KDM6A: variants seen among roughly 807,000 people sequenced by gnomAD.
The protein encoded by KDM6A is lysine demethylase 6A, also known as lysine-specific demethylase 6A.
Under a neutral mutation model 117.6 loss-of-function variants are expected in KDM6A, and 11 were observed. The observed-to-expected ratio is 0.09, with a 90% CI of 0.06 to 0.15. KDM6A has a LOEUF of 0.15. Among genes scored for constraint, KDM6A ranks in the 10% least tolerant of loss-of-function variants. KDM6A has a pLI of 1.00. For synonymous variants in KDM6A, 384 were observed against 396.1 expected (o/e 0.97, Z 0.36); for missense variants, 799 against 1,077.3 (o/e 0.74, Z 3.62).
chrX:44,966,604 A>G lies in KDM6A; in HGVS notation c.334+5212A>G, dbSNP rs553549776. Reference sequence around the variant, plus strand: ...GAGAGAAGAGAAGGATAATCTAAGGATTTAAGTCCTTGAAAACATGTGCTT... The same window carrying G: ...GAGAGAAGAGAAGGATAATCTAAGGGTTTAAGTCCTTGAAAACATGTGCTT... On this transcript the variant is annotated intron_variant, in intron 3 of 29. Transcript: ENST00000611820. Among the ~76,000 whole-genome samples the G allele has an allele frequency of 6.3e-5, 7 of 111,115 alleles. No homozygotes were observed. The Middle Eastern group carries it at 0.019, about 295-fold the overall frequency.
At chrX:44,963,728 T>C (rs752088008) in intron 3 of KDM6A, among the ~76,000 whole-genome samples, 1 of 110,111 alleles carries the variant, frequency 9.1e-6, no homozygotes, top group Non-Finnish European at 1.9e-5. Flanking sequence ...CTCCTGCTAA[T>C]GTCGGTATTT....
intron 21 of KDM6A, 150 bp downstream of exon 21, chrX:45,079,501 A>ATATGTATATATG (rs2045294126): frequency 2.3e-6 from 1 of 428,835 alleles, no homozygotes; most frequent in Non-Finnish European, 4.1e-6. Context: ...TCGTATGTAT[A>ATATGTATATATG]TATGTATGTA....
At chrX:45,040,705 G>A (rs1316045944) in intron 8 of KDM6A, among the ~76,000 whole-genome samples, 5 of 71,420 alleles carry the variant, frequency 7.0e-5, no homozygotes, top group African/African-American at 2.9e-4. Flanking sequence ...CGGACGGGGC[G>A]GCTGGACGGG....
At chrX:45,077,593 T>C (rs1234026199) in intron 19 of KDM6A, among the ~76,000 whole-genome samples, 1 of 110,838 alleles carries the variant, frequency 9.0e-6, no homozygotes, top group Non-Finnish European at 1.9e-5. Context: ...AGTTGTTGTT[T>C]ATCCCTTACT....
At chrX:44,966,148 A>G (rs2039000487) in intron 3 of KDM6A, among the ~76,000 whole-genome samples, 1 of 106,895 alleles carries the variant, frequency 9.4e-6, no homozygotes, top group Non-Finnish European at 1.9e-5. Flanking sequence ...TTTTTTTTTA[A>G]TTTTATTTTT....
chrX:44,873,236 C>A lies in KDM6A; in HGVS notation c.-316C>A. On this transcript the variant is annotated 5_prime_UTR_variant, in exon 1 of 30. Transcript: ENST00000611820. Reference sequence around the variant, plus strand: ...GGGAAGTTTGTGTCTCCAACGAATCCCCTCAGTGCTCCCCAGCCCCGCGCG... The same window carrying A: ...GGGAAGTTTGTGTCTCCAACGAATCACCTCAGTGCTCCCCAGCCCCGCGCG... 3.4e-6 allele frequency: 1 copy of A among 295,570 alleles called. No homozygotes were observed. 24.4% of individuals were successfully genotyped at this position (295,570 alleles called of 1,213,427 possible).
At chrX:44,969,861 A>G (rs1397568717) in intron 3 of KDM6A, among the ~76,000 whole-genome samples, 1 of 112,518 alleles carries the variant, frequency 8.9e-6, no homozygotes, top group African/African-American at 3.2e-5. Flanking sequence ...TTCTGTAATC[A>G]TTCTAAAACA....
chrX:45,025,541 G>A (rs775050839), intron 6 of KDM6A, among the ~76,000 whole-genome samples: 1 of 93,085 alleles, frequency 1.1e-5, no homozygotes, highest in African/African-American at 3.5e-5. Context: ...TTGAAGCAGT[G>A]TGCTACCATT....
chrX:44,956,815 C>A (rs769451041), intron 2 of KDM6A, among the ~76,000 whole-genome samples: 1 of 111,147 alleles, frequency 9.0e-6, no homozygotes, highest in Non-Finnish European at 1.9e-5. Context: ...ATTGTGTATG[C>A]GTATGGTTGG....
intron 4 of KDM6A, among the ~76,000 whole-genome samples, chrX:44,983,141 A>G (rs1483318735): frequency 8.9e-6 from 1 of 111,833 alleles, no homozygotes; most frequent in Admixed American, 9.5e-5. Context: ...TTCTTTGGAA[A>G]TTTTACAAGT....
intron 2 of KDM6A, among the ~76,000 whole-genome samples, chrX:44,944,209 G>A (rs756572884): frequency 9.1e-6 from 1 of 109,972 alleles, no homozygotes; most frequent in Non-Finnish European, 1.9e-5. Context: ...AAAATTAGCC[G>A]GGCGTGGTGT....
intron 6 of KDM6A, among the ~76,000 whole-genome samples, chrX:45,032,111 A>G (rs1277390993): frequency 9.0e-6 from 1 of 111,585 alleles, no homozygotes; most frequent in Non-Finnish European, 1.9e-5. Flanking sequence ...TCAGGTTTGT[A>G]TATAGTCTTT....
intron 4 of KDM6A, among the ~76,000 whole-genome samples, chrX:44,983,339 G>T: frequency 9.0e-6 from 1 of 111,531 alleles, no homozygotes; most frequent in Non-Finnish European, 1.9e-5. Flanking sequence ...AGGCTAGTCT[G>T]GCTTTCACAT....
chrX:45,066,060 A>G (rs981035344), intron 17 of KDM6A, among the ~76,000 whole-genome samples: 4 of 111,724 alleles, frequency 3.6e-5, no homozygotes, highest in Non-Finnish European at 5.6e-5. Context: ...TGATTTTTAT[A>G]TTTTTGAAGG....
At chrX:45,108,790 T>TA (rs1345945834) in intron 28 of KDM6A, among the ~76,000 whole-genome samples, 4 of 98,403 alleles carry the variant, frequency 4.1e-5, no homozygotes, top group Admixed American at 1.1e-4. Context: ...TATGCAGCCA[T>TA]AAAAAATGAT....
intron 23 of KDM6A, 97 bp from the exon 24 acceptor site, chrX:45,083,363 G>GT: frequency 4.8e-6 from 4 of 833,183 alleles, no homozygotes; most frequent in African/African-American, 2.0e-5. Context: ...AGACTTAATT[G>GT]TTTTTTCTGA....
At chrX:44,891,108 T>A (rs1365524391) in intron 2 of KDM6A, among the ~76,000 whole-genome samples, 2 of 111,078 alleles carry the variant, frequency 1.8e-5, no homozygotes, top group African/African-American at 6.6e-5. Context: ...GTGGTTGGAT[T>A]TTCTCCCGCT....
chrX:44,996,810 A>G (rs1402269341), intron 4 of KDM6A, among the ~76,000 whole-genome samples: 1 of 112,000 alleles, frequency 8.9e-6, no homozygotes, highest in African/African-American at 3.2e-5. Flanking sequence ...ACTTTGCTAT[A>G]GGGATCAAAG....
intron 3 of KDM6A, among the ~76,000 whole-genome samples, chrX:44,968,450 T>C (rs1441575676): frequency 8.9e-6 from 1 of 112,773 alleles, no homozygotes; most frequent in African/African-American, 3.2e-5. Context: ...GGCTCTCAGA[T>C]AGCTTATAAG....
Sources: allele counts gnomAD v4.1 joint callset (sites outside exome capture counted in the v4.1 genomes callset), GRCh38; gene constraint gnomAD v4.1.1; transcripts MANE v1.5; gene names NCBI Gene and HGNC (gene_info 2026-07-23, HGNC 2026-07-21).